The following AKR1B1 variants were observed in gnomAD, a reference collection of about 807,000 sequenced individuals.
AKR1B1 encodes aldo-keto reductase family 1 member B.
Under a neutral mutation model 40.4 loss-of-function variants are expected in AKR1B1, and 22 were observed. That is an observed-to-expected ratio of 0.54 (90% confidence interval 0.39 to 0.78). The LOEUF (loss-of-function observed/expected upper bound fraction) is 0.78, where lower values mean the gene tolerates loss of function less well. Among genes scored for constraint, AKR1B1 ranks in the 30% least tolerant of loss-of-function variants. AKR1B1 has a pLI of 0.00. For synonymous variants in AKR1B1, 157 were observed against 149.9 expected (o/e 1.05, Z -0.35); for missense variants, 357 against 396.7 (o/e 0.90, Z 0.85).
intron 5 of AKR1B1, 46 bp from the exon 6 acceptor site, chr7:134,448,539 G>T: frequency 7.0e-7 from 1 of 1,424,036 alleles, no homozygotes; most frequent in Non-Finnish European, 9.9e-7. Flanking sequence ...GTGGCTACAC[G>T]CTGATGGGAC....
chr7:134,459,168 G>T, upstream of AKR1B1: 1 of 1,372,326 alleles, frequency 7.3e-7, no homozygotes, highest in Non-Finnish European at 1.0e-6. Flanking sequence ...TGCGGTTGGC[G>T]CGCCGCTGCG....
Position 134,459,049 on chromosome 7 carries a change from A to T in AKR1B1, c.14T>A (p.Leu5His), listed in dbSNP as rs1286167481. 2 of 1,606,618 alleles carry T rather than the reference A, an allele frequency of 1.2e-6. No individual in the cohort carries two copies. The highest frequency in any genetic ancestry group is 4.5e-5 in the East Asian group (2 of 44,508). Residue 5 changes from leucine (L) to histidine (H), a missense_variant, in exon 1 of 10, where the codon CTC (leucine) becomes CAC (histidine). Physicochemically the swap from Leu to His is moderately conservative, Grantham distance 99. Transcript: ENST00000285930. ...CATCTTGGCGCCGTTGTTGAGCAGG[A>T]GACGGCTTGCCATGGCTGCTGCGCT... MASR[L>H]LLNNGAKMPI...
chr7:134,444,584 A>C, intron 9 of AKR1B1: 1 of 158,600 alleles, frequency 6.3e-6, no homozygotes, highest in South Asian at 1.8e-4. Flanking sequence ...CTCAGTCTCC[A>C]CTGCAAAATG....
At chr7:134,455,438 T>C (rs745410015) in intron 1 of AKR1B1, among the ~76,000 whole-genome samples, 6 of 152,274 alleles carry the variant, frequency 3.9e-5, no homozygotes, top group East Asian at 1.9e-4. Context: ...TGAGCATACA[T>C]AGGAGACTTA....
chr7:134,442,816 T>C (rs556169827), intron 9 of AKR1B1, 46 bp from the exon 10 acceptor site: 4 of 1,572,422 alleles, frequency 2.5e-6, no homozygotes, highest in East Asian at 4.5e-5. Context: ...AGAGGTGATT[T>C]TGACTATACC....
chr7:134,450,982 TCC>T, intron 2 of AKR1B1, 80 bp from the exon 3 acceptor site: 1 of 1,145,290 alleles, frequency 8.7e-7, no homozygotes, highest in Non-Finnish European at 1.3e-6. Context: ...CAGTCTCCTC[TCC>T]CCAAAACCCA....
At chr7:134,452,775 T>C (rs1402446757) in intron 1 of AKR1B1, among the ~76,000 whole-genome samples, 1 of 152,158 alleles carries the variant, frequency 6.6e-6, no homozygotes, top group African/African-American at 2.4e-5. Flanking sequence ...GCTGCAGACA[T>C]CTGTGTTTTG....
In AKR1B1 at chr7:134,451,727, G is replaced by T. The variant is rs765593300; in HGVS notation, c.93C>A (p.Ala31=). The part of the protein sequence containing the change: ...WKSPPGQVTE[A]VKVAIDVGYR... Reference sequence around the variant, plus strand: ...ACCCGACGTCAATGGCCACCTTCACGGCCTCAGTCACCTGCCCTGGAGGGG... The same window carrying T: ...ACCCGACGTCAATGGCCACCTTCACTGCCTCAGTCACCTGCCCTGGAGGGG... The change falls in exon 2 of 10, where the codon GCC becomes GCA. Residue 31 remains alanine (A), a synonymous_variant. Coordinates refer to ENST00000285930, the MANE Select transcript of AKR1B1 (RefSeq NM_001628.4). 1.9e-6 allele frequency: 3 copies of T among 1,614,072 alleles called. No homozygotes were observed. The highest frequency in any genetic ancestry group is 2.5e-6 in the Non-Finnish European group (3 of 1,179,998).
intron 2 of AKR1B1, 183 bp downstream of exon 2, chr7:134,451,403 C>A: frequency 1.4e-6 from 1 of 732,686 alleles, no homozygotes; most frequent in Admixed American, 2.1e-5. Flanking sequence ...AATGACCATT[C>A]AACAGAGAGC....
rs191484045 is a variant in AKR1B1, at chr7:134,442,725, G to C, written c.*3C>G. On this transcript the variant is annotated 3_prime_UTR_variant, in exon 10 of 10. Transcript: ENST00000285930. ...ACTTGGGGACGAGCAGGCAACCACAGCTTCAAAACTCTTCATGGAAGGGGT... is the reference window on the plus strand; with the variant it reads ...ACTTGGGGACGAGCAGGCAACCACACCTTCAAAACTCTTCATGGAAGGGGT... The C allele has an allele frequency of 4.3e-6, 7 of 1,614,070 alleles. No individual in the cohort carries two copies. In the African/African-American group the frequency reaches 8.0e-5, roughly 18 times the overall value.
At position 134,449,193 on chromosome 7, in the gene AKR1B1, G is replaced by A. The variant is rs561198533; in HGVS notation, c.430-74C>T. 5.0e-6 allele frequency: 8 copies of A among 1,594,970 alleles called. No homozygotes were observed. The East Asian group carries it at 1.1e-4, about 22-fold the overall frequency. On this transcript the variant is annotated intron_variant, in intron 4 of 9. Transcript: ENST00000285930. ...AGGATCAGAAGTGTCGTTTGCACCAGTTTAACGGGTCCTGCCCTCACTCTT... is the reference window on the plus strand; with the variant it reads ...AGGATCAGAAGTGTCGTTTGCACCAATTTAACGGGTCCTGCCCTCACTCTT...
chr7:134,445,223 C>A lies in AKR1B1; in HGVS notation c.908+15G>T, dbSNP rs780153666. On this transcript the variant is annotated intron_variant, in intron 9 of 9. Transcript: ENST00000285930. ...TATCTCCTGGGAACTGCTCCTCACA[C>A]TGGGGCTCACTCACCTCAACAAGGC... is the stretch of plus-strand genomic sequence containing the variant. The A allele has an allele frequency of 1.3e-5, 21 of 1,607,496 alleles. No homozygotes were observed. The Admixed American group carries it at 2.7e-4, about 21-fold the overall frequency.
At chr7:134,449,407 A>AT (rs1434426795) in intron 4 of AKR1B1, 3 of 556,134 alleles carry the variant, frequency 5.4e-6, no homozygotes, top group Middle Eastern at 4.8e-4. Flanking sequence ...TAACACGGTG[A>AT]AACCCCGTCT....
At chr7:134,459,238 G>A (rs1806599830), upstream of AKR1B1, 1 of 717,650 alleles carries the variant, frequency 1.4e-6, no homozygotes, top group Non-Finnish European at 2.3e-6. Context: ...CCAAGGGTCG[G>A]CGGGGATGCT....
At position 134,442,611 on chromosome 7, in the gene AKR1B1, C is replaced by T. The variant is rs571283804; in HGVS notation, c.*117G>A. The T allele has an allele frequency of 6.1e-6, 6 of 976,996 alleles. No individual in the cohort carries two copies. The highest frequency in any genetic ancestry group is 9.6e-6 in the Non-Finnish European group (6 of 623,360). 60.5% of individuals were successfully genotyped at this position (976,996 alleles called of 1,614,324 possible). ...AAGCTAGACACGCCCTCGCTGGCCA[C>T]TCTACAGGTTGCTGTCCCACTGCTG... On this transcript the variant is annotated 3_prime_UTR_variant, in exon 10 of 10. Coordinates refer to ENST00000285930, the MANE Select transcript of AKR1B1 (RefSeq NM_001628.4).
Position 134,448,349 on chromosome 7 carries a change from C to G in AKR1B1, c.659+38G>C, listed in dbSNP as rs764152502. 9.2e-6 allele frequency: 14 copies of G among 1,525,824 alleles called. No homozygotes were observed. In the Middle Eastern group the frequency reaches 5.7e-4, roughly 62 times the overall value. The allele number at this position is 1,525,824 out of a possible 1,614,324, so 94.5% of individuals were successfully genotyped here. The stretch of plus-strand genomic sequence containing the variant: ...TCTTTTTAGTCTTTTCTAATCTTCA[C>G]CAAGTGACACAGGAGCATGAGCCTG... On this transcript the variant is annotated intron_variant, in intron 6 of 9. Transcript: ENST00000285930.
At chr7:134,448,349 C>A in intron 6 of AKR1B1, 38 bp downstream of exon 6, 1 of 1,525,942 alleles carries the variant, frequency 6.6e-7, no homozygotes, top group Non-Finnish European at 9.1e-7. Flanking sequence ...CTAATCTTCA[C>A]CAAGTGACAC....
intron 1 of AKR1B1, among the ~76,000 whole-genome samples, chr7:134,458,302 G>C (rs1023621335): frequency 6.6e-6 from 1 of 152,072 alleles, no homozygotes; most frequent in Non-Finnish European, 1.5e-5. Context: ...GGCGCCTCCT[G>C]AATTATCAAC....
At chr7:134,446,467 G>A (rs1585708599) in intron 8 of AKR1B1, among the ~76,000 whole-genome samples, 2 of 152,322 alleles carry the variant, frequency 1.3e-5, no homozygotes, top group South Asian at 2.1e-4. Flanking sequence ...GCTGTGCTGC[G>A]CTCGGCACAG....
Sources: gnomAD v4.1 joint callset for allele counts (sites outside exome capture counted in the v4.1 genomes callset) on GRCh38, gnomAD v4.1.1 for gene constraint, MANE v1.5 for transcripts, NCBI Gene and HGNC (gene_info 2026-07-23, HGNC 2026-07-21) for gene names.